CIB4: variants seen among roughly 807,000 people sequenced by gnomAD.
The protein encoded by CIB4 is calcium and integrin-binding family member 4.
In CIB4, 25 loss-of-function variants were observed where a neutral mutation model predicts 25.8. The observed-to-expected ratio is 0.97, with a 90% CI of 0.71 to 1.35. CIB4 has a LOEUF of 1.35. Ranked by LOEUF, CIB4 falls within the 40% of genes most tolerant of loss-of-function variation. The pLI is 0.00. For synonymous variants in CIB4, 75 were observed against 81.4 expected (o/e 0.92, Z 0.42); for missense variants, 235 against 228.2 (o/e 1.03, Z -0.19).
chr2:26,611,706 C>CAAAT (rs893015008), intron 3 of CIB4, among the ~76,000 whole-genome samples: 1 of 151,930 alleles, frequency 6.6e-6, no homozygotes, highest in African/African-American at 2.4e-5. Context: ...TTTATAGTAA[C>CAAAT]AAATAAATAA....
chr2:26,581,936 G>C (rs1489953963), intron 6 of CIB4, among the ~76,000 whole-genome samples: 1 of 152,218 alleles, frequency 6.6e-6, no homozygotes, highest in Non-Finnish European at 1.5e-5. Context: ...AGTCACTCAA[G>C]ACCAAGGAGG....
chr2:26,600,563 G>A (rs906402555), intron 3 of CIB4, among the ~76,000 whole-genome samples: 3 of 152,186 alleles, frequency 2.0e-5, no homozygotes, highest in Non-Finnish European at 4.4e-5. Context: ...CCTCAGTCTT[G>A]AGTGGAGTCC....
chr2:26,595,756 C>T (rs1267508059), intron 3 of CIB4, among the ~76,000 whole-genome samples: 2 of 152,250 alleles, frequency 1.3e-5, no homozygotes, highest in Non-Finnish European at 2.9e-5. Context: ...ACTGCCCAAG[C>T]GCATAGCCAG....
At chr2:26,617,493 T>A (rs749216174) in intron 3 of CIB4, among the ~76,000 whole-genome samples, 1 of 152,188 alleles carries the variant, frequency 6.6e-6, no homozygotes, top group Non-Finnish European at 1.5e-5. Flanking sequence ...CACTGCATCT[T>A]ACAGAGCTGC....
chr2:26,638,020 C>T (rs1208507704), intron 2 of CIB4, among the ~76,000 whole-genome samples: 3 of 152,304 alleles, frequency 2.0e-5, no homozygotes, highest in Admixed American at 6.5e-5. Flanking sequence ...CCAGCGCTGA[C>T]GCACGCCGGC....
At chr2:26,617,627 A>C (rs1669118717) in intron 3 of CIB4, among the ~76,000 whole-genome samples, 1 of 152,132 alleles carries the variant, frequency 6.6e-6, no homozygotes, top group African/African-American at 2.4e-5. Flanking sequence ...CTTTTCATTA[A>C]CAAGCCAGGG....
intron 3 of CIB4, among the ~76,000 whole-genome samples, chr2:26,624,107 C>T (rs1669255551): frequency 6.6e-6 from 1 of 152,176 alleles, no homozygotes; most frequent in Admixed American, 6.5e-5. Context: ...CACTGATAGG[C>T]AGACCCTTCC....
At chr2:26,585,463 C>G (rs780353877) in intron 4 of CIB4, among the ~76,000 whole-genome samples, 21 of 152,164 alleles carry the variant, frequency 1.4e-4, no homozygotes, top group Non-Finnish European at 2.8e-4. Flanking sequence ...CTTCTCAGCA[C>G]CACTCCCCTA....
chr2:26,596,903 G>A (rs1163091713), intron 3 of CIB4, among the ~76,000 whole-genome samples: 1 of 152,152 alleles, frequency 6.6e-6, no homozygotes, highest in African/African-American at 2.4e-5. Flanking sequence ...TGTTTTCCTG[G>A]CACAAAAAGA....
At position 26,583,756 on chromosome 2, in the gene CIB4, C is replaced by T. The variant is rs1465231897; in HGVS notation, c.438+33G>A. Reference sequence around the variant, plus strand: ...TGACAACCTGGCCCCTATCCCCGGCCCCAGCCACCAACTCCCAGCCCCCAG... The same window carrying T: ...TGACAACCTGGCCCCTATCCCCGGCTCCAGCCACCAACTCCCAGCCCCCAG... On this transcript the variant is annotated intron_variant, in intron 5 of 6. Transcript: ENST00000288861. The T allele has an allele frequency of 5.5e-6, 8 of 1,444,174 alleles. 1 individual carries two copies. The highest frequency in any genetic ancestry group is 1.7e-5 in the Admixed American group (1 of 59,744). The allele number at this position is 1,444,174 out of a possible 1,614,324, so 89.5% of individuals were successfully genotyped here. A position where few individuals can be genotyped will look rare whatever the true frequency, so the allele number is the denominator to read the frequency against.
At chr2:26,624,553 T>C (rs1219788490) in intron 3 of CIB4, among the ~76,000 whole-genome samples, 4 of 152,134 alleles carry the variant, frequency 2.6e-5, no homozygotes, top group African/African-American at 7.2e-5. Context: ...TCGAGGCTTC[T>C]TACATTTTTG....
At chr2:26,602,168 AG>A (rs376333035) in intron 3 of CIB4, among the ~76,000 whole-genome samples, 7 of 152,378 alleles carry the variant, frequency 4.6e-5, no homozygotes, top group African/African-American at 1.7e-4. Flanking sequence ...GATGGAATAC[AG>A]GTCATGGCAA....
At chr2:26,584,861 G>A (rs976048953) in intron 4 of CIB4, among the ~76,000 whole-genome samples, 3 of 152,108 alleles carry the variant, frequency 2.0e-5, no homozygotes, top group African/African-American at 4.8e-5. Flanking sequence ...ACTTCTGGGG[G>A]CCGCACTGAC....
rs146822646 is a variant in CIB4, at chr2:26,619,140, A to G, written c.186+10270T>C. Among the ~76,000 whole-genome samples, 22 of 152,302 alleles carry G rather than the reference A, an allele frequency of 1.4e-4. No homozygotes were observed. In the East Asian group the frequency reaches 4.2e-3, roughly 29 times the overall value. ...GAACCAGGCGTGGGAGCCTCTATTC[A>G]CCAGGCATTCTCCACAAAAACTTCT... On this transcript the variant is annotated intron_variant, in intron 3 of 6. Transcript: ENST00000288861.
At chr2:26,624,081 C>G (rs1174147503) in intron 3 of CIB4, among the ~76,000 whole-genome samples, 4 of 152,182 alleles carry the variant, frequency 2.6e-5, no homozygotes, top group Non-Finnish European at 4.4e-5. Flanking sequence ...CCAGGATGTT[C>G]TCTCGCCTTG....
At chr2:26,622,141 GC>G (rs1669215503) in intron 3 of CIB4, among the ~76,000 whole-genome samples, 1 of 151,672 alleles carries the variant, frequency 6.6e-6, no homozygotes, top group Non-Finnish European at 1.5e-5. Context: ...CGGGTGGATC[GC>G]CTGAGGTCAG....
chr2:26,640,703 G>T (rs959415577), intron 1 of CIB4, 136 bp from the exon 2 acceptor site: 13 of 870,866 alleles, frequency 1.5e-5, no homozygotes, highest in Non-Finnish European at 2.4e-5. Flanking sequence ...CCAGGTTGAG[G>T]TGGATGCCTG....
chr2:26,638,252 C>T (rs988250026), intron 2 of CIB4, among the ~76,000 whole-genome samples: 10 of 152,378 alleles, frequency 6.6e-5, no homozygotes, highest in Middle Eastern at 6.8e-3. Context: ...CGGAGCCAAA[C>T]TGTGCTCTTC....
At chr2:26,613,382 C>T (rs1572559034) in intron 3 of CIB4, among the ~76,000 whole-genome samples, 1 of 152,188 alleles carries the variant, frequency 6.6e-6, no homozygotes, top group Non-Finnish European at 1.5e-5. Flanking sequence ...TGGAGCACCC[C>T]AGTTTCTTAG....
Sources: gnomAD v4.1 joint callset for allele counts (sites outside exome capture counted in the v4.1 genomes callset) on GRCh38, gnomAD v4.1.1 for gene constraint, MANE v1.5 for transcripts, NCBI Gene and HGNC (gene_info 2026-07-23, HGNC 2026-07-21) for gene names.